The following ZFAND6 variants were observed in gnomAD, a reference collection of about 807,000 sequenced individuals.
ZFAND6 encodes zinc finger AN1-type containing 6, also known as AN1-type zinc finger protein 6.
Under a neutral mutation model 24.5 loss-of-function variants are expected in ZFAND6, and 12 were observed. That is an observed-to-expected ratio of 0.49 (90% confidence interval 0.31 to 0.79). The LOEUF is 0.79. Ranked by LOEUF, ZFAND6 falls within the 30% of genes least tolerant of loss-of-function variation. The pLI is 0.04. For synonymous variants in ZFAND6, 92 were observed against 81.5 expected, an observed-to-expected ratio of 1.13 and a Z score of -0.69; for missense variants, 207 against 245.9, an observed-to-expected ratio of 0.84 and a Z score of 1.06.
intron 1 of ZFAND6, among the ~76,000 whole-genome samples, chr15:80,071,885 A>G (rs2037000039): frequency 6.6e-6 from 1 of 152,094 alleles, no homozygotes; most frequent in East Asian, 1.9e-4. Flanking sequence ...CTCACATGTC[A>G]GATCTGTTAA....
chr15:80,065,512 G>A (rs1461601818), intron 1 of ZFAND6, among the ~76,000 whole-genome samples: 1 of 145,106 alleles, frequency 6.9e-6, no homozygotes, highest in Non-Finnish European at 1.5e-5. Flanking sequence ...TATTCTTTTG[G>A]GGCTTCAAAT....
intron 1 of ZFAND6, among the ~76,000 whole-genome samples, chr15:80,094,062 T>C (rs1247103375): frequency 6.6e-6 from 1 of 152,216 alleles, no homozygotes; most frequent in East Asian, 1.9e-4. Context: ...TGGATGGAGT[T>C]TGTGTGTGGA....
intron 2 of ZFAND6, among the ~76,000 whole-genome samples, chr15:80,103,653 G>A (rs971221905): frequency 6.6e-6 from 1 of 152,080 alleles, no homozygotes; most frequent in Non-Finnish European, 1.5e-5. Context: ...GCAGAAACCA[G>A]GTATGTGAAA....
At chr15:80,064,647 A>T (rs8026552) in intron 1 of ZFAND6, among the ~76,000 whole-genome samples, 115,209 of 151,932 alleles carry the variant, frequency 0.76, 43,842 homozygotes, top group Admixed American at 0.84. Context: ...TGGGTTTTTT[A>T]AAATGTTTTT....
At chr15:80,113,127 A>T (rs1199308994) in intron 2 of ZFAND6, among the ~76,000 whole-genome samples, 1 of 152,192 alleles carries the variant, frequency 6.6e-6, no homozygotes, top group Non-Finnish European at 1.5e-5. Flanking sequence ...TTTTCTTGAA[A>T]TTATTAGTGA....
At chr15:80,129,822 T>TA (rs2040517496) in intron 5 of ZFAND6, 3 of 152,202 alleles carry the variant, frequency 2.0e-5, no homozygotes, top group South Asian at 4.2e-4. Context: ...AAAAACAAGT[T>TA]AGAGTTAGCC....
At chr15:80,099,125 A>G (rs1179130209) in intron 2 of ZFAND6, among the ~76,000 whole-genome samples, 1 of 152,128 alleles carries the variant, frequency 6.6e-6, no homozygotes, top group Non-Finnish European at 1.5e-5. Flanking sequence ...AGTTTTTTAA[A>G]TTCGCCAATT....
intron 1 of ZFAND6, among the ~76,000 whole-genome samples, chr15:80,075,806 A>G (rs2037239849): frequency 6.6e-6 from 1 of 152,112 alleles, no homozygotes; most frequent in Non-Finnish European, 1.5e-5. Context: ...CATCGGAGAA[A>G]ATGAACTCGA....
intron 2 of ZFAND6, among the ~76,000 whole-genome samples, chr15:80,099,842 C>G (rs2038940913): frequency 6.6e-6 from 1 of 152,116 alleles, no homozygotes; most frequent in Non-Finnish European, 1.5e-5. Context: ...GTCTCAAACT[C>G]CTGACCTCCA....
intron 1 of ZFAND6, among the ~76,000 whole-genome samples, chr15:80,095,764 G>A (rs2038683587): frequency 6.6e-6 from 1 of 152,212 alleles, no homozygotes; most frequent in African/African-American, 2.4e-5. Context: ...TACCACGTGA[G>A]ATGAGCCTGC....
At chr15:80,107,573 C>G (rs1596279288) in intron 2 of ZFAND6, among the ~76,000 whole-genome samples, 1 of 151,822 alleles carries the variant, frequency 6.6e-6, no homozygotes, top group African/African-American at 2.4e-5. Context: ...GCCTGTAATC[C>G]CAGCTCTTTG....
At chr15:80,087,202 A>T (rs1480307957) in intron 1 of ZFAND6, among the ~76,000 whole-genome samples, 2 of 152,154 alleles carry the variant, frequency 1.3e-5, no homozygotes, top group East Asian at 3.9e-4. Flanking sequence ...TCTTAGGATA[A>T]TTGCATGTTT....
chr15:80,076,437 A>G (rs2037283490), intron 1 of ZFAND6, among the ~76,000 whole-genome samples: 1 of 151,838 alleles, frequency 6.6e-6, no homozygotes, highest in South Asian at 2.1e-4. Context: ...TTCTTAGATG[A>G]CTAAACACCC....
chr15:80,097,982 C>G (rs868329509), intron 1 of ZFAND6, among the ~76,000 whole-genome samples: 3 of 152,134 alleles, frequency 2.0e-5, no homozygotes, highest in Admixed American at 2.0e-4. Context: ...CAACATGGCT[C>G]CTCCTGCTGT....
At chr15:80,068,067 T>A (rs2036756580) in intron 1 of ZFAND6, among the ~76,000 whole-genome samples, 1 of 151,534 alleles carries the variant, frequency 6.6e-6, no homozygotes, top group Non-Finnish European at 1.5e-5. Flanking sequence ...GTTCAAGTGA[T>A]TCTCCTGCCT....
intron 2 of ZFAND6, among the ~76,000 whole-genome samples, chr15:80,117,039 A>G (rs776564562): frequency 6.6e-6 from 1 of 152,210 alleles, no homozygotes; most frequent in Non-Finnish European, 1.5e-5. Context: ...GATATTTCAA[A>G]TATTGATATA....
At chr15:80,094,011 A>G (rs2038556134) in intron 1 of ZFAND6, among the ~76,000 whole-genome samples, 1 of 152,230 alleles carries the variant, frequency 6.6e-6, no homozygotes. Flanking sequence ...ACTATTTATT[A>G]TAACTCAGTC....
chr15:80,132,309 C>T (rs2040641808), intron 6 of ZFAND6, among the ~76,000 whole-genome samples: 2 of 152,088 alleles, frequency 1.3e-5, no homozygotes, highest in Non-Finnish European at 2.9e-5. Context: ...ATGTGTAAAA[C>T]ATGTGTAGAT....
chr15:80,124,316 C>G (rs2142026293), intron 5 of ZFAND6, among the ~76,000 whole-genome samples: 1 of 152,198 alleles, frequency 6.6e-6, no homozygotes, highest in African/African-American at 2.4e-5. Flanking sequence ...ATCTGTAGTC[C>G]TAGCTACTGG....
Sources: gnomAD v4.1 joint callset for allele counts (sites outside exome capture counted in the v4.1 genomes callset) on GRCh38, gnomAD v4.1.1 for gene constraint, MANE v1.5 for transcripts, NCBI Gene and HGNC (gene_info 2026-07-23, HGNC 2026-07-21) for gene names.